Variants in KAZN observed in about 807,000 individuals in gnomAD.
KAZN encodes the protein kazrin, periplakin interacting protein, also known as kazrin.
In KAZN, 40 loss-of-function variants were observed where a neutral mutation model predicts 87.4. That is an observed-to-expected ratio of 0.46 (90% CI 0.36 to 0.60). The LOEUF (loss-of-function observed/expected upper bound fraction) is 0.60, where lower values mean the gene tolerates loss of function less well. Among genes scored for constraint, KAZN ranks in the 20% least tolerant of loss-of-function variants. KAZN has a pLI of 0.00. For synonymous variants in KAZN, 466 were observed against 458.3 expected (o/e 1.02, Z -0.22); for missense variants, 898 against 1,073.9 (o/e 0.84, Z 2.29).
chr1:14,511,975 G>A (rs187418903), intron 2 of KAZN, among the ~76,000 whole-genome samples: 14 of 152,284 alleles, frequency 9.2e-5, no homozygotes, highest in African/African-American at 3.4e-4. Flanking sequence ...GGAGGCCATG[G>A]AAGAATTTTT....
chr1:14,367,975 A>G (rs1005006368), intron 2 of KAZN, among the ~76,000 whole-genome samples: 3 of 152,184 alleles, frequency 2.0e-5, no homozygotes, highest in African/African-American at 7.2e-5. Flanking sequence ...GAAAGGAGAA[A>G]GTGGGATAGC....
chr1:14,419,976 T>C (rs957836010), intron 2 of KAZN, among the ~76,000 whole-genome samples: 3 of 152,152 alleles, frequency 2.0e-5, no homozygotes, highest in Admixed American at 6.5e-5. Flanking sequence ...GGATTGCCAC[T>C]CCCGGCTCCG....
rs577869376 is a variant in KAZN, at chr1:14,535,703, G to C, written c.250-63280G>C. On this transcript the variant is annotated intron_variant, in intron 2 of 16. Transcript: ENST00000636203. The stretch of plus-strand genomic sequence containing the variant: ...AAAAATAAAAAATAAATTTAAAAAA[G>C]AAACACACAGGACTGCAGCTTGCAT... 3.3e-5 allele frequency among the ~76,000 whole-genome samples: 5 copies of C among 152,016 alleles called. No homozygotes were observed. The East Asian group carries it at 9.7e-4, about 29-fold the overall frequency.
At chr1:14,989,549 C>T (rs1667153139) in intron 2 of KAZN, among the ~76,000 whole-genome samples, 1 of 152,198 alleles carries the variant, frequency 6.6e-6, no homozygotes, top group Admixed American at 6.5e-5. Context: ...TTGATGGAGG[C>T]AGTACATTGG....
intron 1 of KAZN, among the ~76,000 whole-genome samples, chr1:14,069,570 C>T (rs750579642): frequency 1.2e-4 from 19 of 152,140 alleles, no homozygotes; most frequent in South Asian, 4.2e-4. Flanking sequence ...TCTGTGTTAC[C>T]GGGAAGATTT....
At chr1:14,757,056 G>C (rs934691944) in intron 1 of KAZN, among the ~76,000 whole-genome samples, 5 of 152,218 alleles carry the variant, frequency 3.3e-5, no homozygotes, top group Non-Finnish European at 7.3e-5. Flanking sequence ...CCACAGGGTT[G>C]TGAAACTTCA....
Position 15,104,194 on chromosome 1 carries a change from G to C in KAZN, c.2048+5G>C, listed in dbSNP as rs1641214062. The C allele has an allele frequency of 2.6e-6, 4 of 1,568,214 alleles. No homozygotes were observed. Among genetic ancestry groups the C allele is most frequent in the Non-Finnish European group, 3.5e-6 (4 of 1,156,966 alleles). ...CGCCGTCTTCCACCCAGCCAAGTGAGCACGGGCTGGGATCCAGTCATGTGG... is the reference window on the plus strand; with the variant it reads ...CGCCGTCTTCCACCCAGCCAAGTGACCACGGGCTGGGATCCAGTCATGTGG... On this transcript the variant is annotated splice_donor_5th_base_variant and intron_variant, in intron 13 of 14. Coordinates refer to ENST00000376030, the MANE Select transcript of KAZN (RefSeq NM_201628.3).
At chr1:15,002,006 G>A (rs538746140) in intron 2 of KAZN, among the ~76,000 whole-genome samples, 4 of 146,086 alleles carry the variant, frequency 2.7e-5, no homozygotes, top group Non-Finnish European at 4.5e-5. Flanking sequence ...TCAGCCTCCC[G>A]AGTAGCTGGG....
rs74058882 is a variant in KAZN, at chr1:14,773,264, G to A, written c.226+174041G>A. 5.3e-3 allele frequency among the ~76,000 whole-genome samples: 803 copies of A among 152,238 alleles called. 4 individuals are homozygous for A. Among genetic ancestry groups the A allele is most frequent in the African/African-American group, 0.019 (771 of 41,544 alleles). ...ATACTGAGATCCCGCTAGTCATGGGGTGAGCTACAGTGGGACTGTGGCACA... is the reference window on the plus strand; with the variant it reads ...ATACTGAGATCCCGCTAGTCATGGGATGAGCTACAGTGGGACTGTGGCACA... On this transcript the variant is annotated intron_variant, in intron 1 of 14. Transcript: ENST00000376030. The surrounding 1 kb of genome is among the most constrained non-coding windows in gnomAD (Gnocchi z 5.9).
intron 2 of KAZN, among the ~76,000 whole-genome samples, chr1:14,447,608 C>A (rs538046880): frequency 1.3e-5 from 2 of 152,138 alleles, no homozygotes; most frequent in East Asian, 3.9e-4. Flanking sequence ...CTTCATTTTC[C>A]CCTGTTTTTC....
At chr1:14,271,377 A>G (rs1164201912) in intron 2 of KAZN, among the ~76,000 whole-genome samples, 1 of 152,214 alleles carries the variant, frequency 6.6e-6, no homozygotes, top group African/African-American at 2.4e-5. Flanking sequence ...TGAGGCTGTG[A>G]AGAAGTCTCT....
intron 2 of KAZN, among the ~76,000 whole-genome samples, chr1:14,358,633 T>C (rs1659243683): frequency 6.6e-6 from 1 of 152,198 alleles, no homozygotes; most frequent in African/African-American, 2.4e-5. Flanking sequence ...GTCTTTGTTC[T>C]CATTGGTTTC....
chr1:14,081,490 C>T (rs983202390), intron 1 of KAZN, among the ~76,000 whole-genome samples: 16 of 151,910 alleles, frequency 1.1e-4, no homozygotes, highest in African/African-American at 2.9e-4. Flanking sequence ...TTGTATGGCT[C>T]GTGTGCTAGG....
intron 1 of KAZN, among the ~76,000 whole-genome samples, chr1:14,171,708 G>T (rs1024065359): frequency 3.3e-5 from 5 of 152,120 alleles, no homozygotes; most frequent in African/African-American, 9.7e-5. Flanking sequence ...GCTTCTTGTG[G>T]CAAGGCTGTG....
chr1:13,986,815 C>G (rs955843599), intron 1 of KAZN, among the ~76,000 whole-genome samples: 1 of 152,344 alleles, frequency 6.6e-6, no homozygotes, highest in Admixed American at 6.5e-5. Flanking sequence ...CGTGTCTAGA[C>G]AGCAGTGCCA....
intron 2 of KAZN, among the ~76,000 whole-genome samples, chr1:14,343,856 A>G (rs139127800): frequency 0.023 from 3,536 of 152,272 alleles, 71 homozygotes; most frequent in Non-Finnish European, 0.035. Context: ...AAACTCATCC[A>G]ATTAAAAACA....
intron 2 of KAZN, among the ~76,000 whole-genome samples, chr1:14,270,612 A>G (rs1651840958): frequency 1.3e-5 from 2 of 152,164 alleles, no homozygotes; most frequent in South Asian, 2.1e-4. Flanking sequence ...GGTCTATCCT[A>G]CCATAGAAGC....
At chr1:14,881,462 G>A (rs189392548) in intron 1 of KAZN, among the ~76,000 whole-genome samples, 177 of 152,316 alleles carry the variant, frequency 1.2e-3, no homozygotes, top group Non-Finnish European at 2.1e-3. Context: ...TCTGTGACCC[G>A]TACCATTGGA....
At chr1:14,381,179 C>T (rs1041039633) in intron 2 of KAZN, among the ~76,000 whole-genome samples, 1 of 152,034 alleles carries the variant, frequency 6.6e-6, no homozygotes, top group East Asian at 1.9e-4. Flanking sequence ...TATATAATGA[C>T]AAAGGGATTG....
Sources: gnomAD v4.1 joint callset for allele counts (sites outside exome capture counted in the v4.1 genomes callset) on GRCh38, gnomAD v4.1.1 for gene constraint, Gnocchi (gnomAD v3.1) non-coding constraint, MANE v1.5 for transcripts, NCBI Gene and HGNC (gene_info 2026-07-23, HGNC 2026-07-21) for gene names.